The following RASAL2 variants were observed in gnomAD, a reference collection of about 807,000 sequenced individuals.
The protein encoded by RASAL2 is RAS protein activator like 2.
Under a neutral mutation model 128.9 loss-of-function variants are expected in RASAL2, and 58 were observed. That is an observed-to-expected ratio of 0.45 (90% CI 0.36 to 0.56). The LOEUF is 0.56. Ranked by LOEUF, RASAL2 falls within the 20% of genes least tolerant of loss-of-function variation. The pLI is 0.00. For missense variants in RASAL2, 1,360 were observed against 1,601.6 expected (o/e 0.85, Z 2.57); for synonymous variants, 561 against 580.8 (o/e 0.97, Z 0.49).
chr1:178,174,515 C>T (rs562765166), intron 1 of RASAL2, among the ~76,000 whole-genome samples: 2 of 152,120 alleles, frequency 1.3e-5, no homozygotes, highest in East Asian at 3.9e-4. Flanking sequence ...AAGCAAGAAT[C>T]CTGTGGAAGA....
chr1:178,383,836 ATGT>A (rs1672409026), intron 3 of RASAL2, among the ~76,000 whole-genome samples: 1 of 152,210 alleles, frequency 6.6e-6, no homozygotes. Context: ...ATCCTATTTA[ATGT>A]TGTCATTATT....
chr1:178,295,865 T>G (rs1041733884), intron 2 of RASAL2, among the ~76,000 whole-genome samples: 13 of 152,196 alleles, frequency 8.5e-5, no homozygotes, highest in African/African-American at 3.1e-4. Flanking sequence ...TGAGCATCTT[T>G]TTAGCATTCT....
chr1:178,444,231 T>C (rs1676849280), intron 8 of RASAL2, among the ~76,000 whole-genome samples: 1 of 152,158 alleles, frequency 6.6e-6, no homozygotes, highest in African/African-American at 2.4e-5. Context: ...AATACTGATT[T>C]ACGTACATTT....
chr1:178,096,133 C>T (rs1375166939), intron 1 of RASAL2, among the ~76,000 whole-genome samples: 1 of 152,198 alleles, frequency 6.6e-6, no homozygotes, highest in Non-Finnish European at 1.5e-5. Context: ...TCCCACTTAG[C>T]TGGTCATTTA....
At chr1:178,225,615 C>T (rs1429781241) in intron 1 of RASAL2, among the ~76,000 whole-genome samples, 1 of 151,968 alleles carries the variant, frequency 6.6e-6, no homozygotes, top group Non-Finnish European at 1.5e-5. Context: ...CACAAGTAAT[C>T]ACTGTTATAA....
intron 13 of RASAL2, 87 bp from the exon 14 acceptor site, chr1:178,457,596 C>T (rs1558005880): frequency 7.3e-6 from 10 of 1,370,732 alleles, no homozygotes; most frequent in Middle Eastern, 1.9e-4. Context: ...TAAGAACCTT[C>T]GGAGGAGTTC....
chr1:178,467,304 T>C (rs745894977), intron 16 of RASAL2, 30 bp from the exon 17 acceptor site: 9 of 1,575,656 alleles, frequency 5.7e-6, no homozygotes, highest in Non-Finnish European at 7.9e-6. Context: ...TCTTTGAAGA[T>C]GTTGATATTT....
intron 3 of RASAL2, among the ~76,000 whole-genome samples, chr1:178,351,808 G>A (rs960235170): frequency 6.6e-6 from 1 of 151,600 alleles, no homozygotes; most frequent in African/African-American, 2.4e-5. Flanking sequence ...AAAAGAAAGC[G>A]GCTACAGGCC....
Position 178,445,714 on chromosome 1 carries a change from C to G in RASAL2, c.1627+52C>G, listed in dbSNP as rs1056356047. ...CTTTTATTTACTTTTCAGTTTTAAG[C>G]TATTTCACCCCCATGAGACGAATTG... is the stretch of plus-strand genomic sequence containing the variant. On this transcript the variant is annotated intron_variant, in intron 9 of 17. Transcript: ENST00000367649. The G allele has an allele frequency of 3.3e-6, 5 of 1,525,912 alleles. No homozygotes were observed. In the African/African-American group the frequency reaches 5.5e-5, roughly 17 times the overall value. 94.5% of individuals were successfully genotyped at this position (1,525,912 alleles called of 1,614,324 possible). A position where few individuals can be genotyped will look rare whatever the true frequency, so the allele number is the denominator to read the frequency against.
chr1:178,458,109 C>A lies in RASAL2; in HGVS notation c.2817C>A (p.Ala939=), dbSNP rs34534441. The change falls in exon 14 of 18, where the codon GCC becomes GCA. Residue 939 remains alanine, a synonymous_variant. Transcript: ENST00000367649. ...ACCCAATTCCAGCAATGCCAAAGGCCTCTATAGATTCCAGTTTGGAGAACC... is the reference window on the plus strand; with the variant it reads ...ACCCAATTCCAGCAATGCCAAAGGCATCTATAGATTCCAGTTTGGAGAACC... ...LNNPIPAMPK[A]SIDSSLENLS... is the part of the protein sequence containing the mutation. The A allele has an allele frequency of 6.2e-7, 1 of 1,614,198 alleles. No homozygotes were observed. Among genetic ancestry groups the A allele is most frequent in the African/African-American group, 1.3e-5 (1 of 75,052 alleles).
chr1:178,297,714 A>G (rs1667580801), intron 2 of RASAL2, among the ~76,000 whole-genome samples: 1 of 152,016 alleles, frequency 6.6e-6, no homozygotes, highest in Admixed American at 6.6e-5. Context: ...TTTAAAAGTG[A>G]AACTTTGAAT....
intron 1 of RASAL2, among the ~76,000 whole-genome samples, chr1:178,205,826 C>T (rs1389865240): frequency 6.6e-6 from 1 of 152,156 alleles, no homozygotes; most frequent in Non-Finnish European, 1.5e-5. Context: ...TATACGTCCT[C>T]ACCAACCACT....
chr1:178,135,297 C>G (rs2102315473), intron 1 of RASAL2, among the ~76,000 whole-genome samples: 1 of 152,194 alleles, frequency 6.6e-6, no homozygotes, highest in East Asian at 1.9e-4. Flanking sequence ...CTACAGGTGT[C>G]TTGACCTTGA....
chr1:178,253,527 G>T (rs1409578180), intron 1 of RASAL2, among the ~76,000 whole-genome samples: 4 of 152,198 alleles, frequency 2.6e-5, no homozygotes, highest in Non-Finnish European at 4.4e-5. Context: ...AACAGGCTTT[G>T]TGTGAACAAT....
intron 3 of RASAL2, among the ~76,000 whole-genome samples, chr1:178,377,418 G>C (rs1480468952): frequency 6.6e-6 from 1 of 151,948 alleles, no homozygotes; most frequent in African/African-American, 2.4e-5. Context: ...AGAGGAAAAA[G>C]AAAACAAAAC....
At chr1:178,181,588 A>G (rs1424497337) in intron 1 of RASAL2, among the ~76,000 whole-genome samples, 1 of 152,124 alleles carries the variant, frequency 6.6e-6, no homozygotes, top group East Asian at 1.9e-4. Context: ...TTTACCTAAC[A>G]TTCTTTTTCT....
chr1:178,452,952 G>C (rs1403185549), intron 11 of RASAL2, among the ~76,000 whole-genome samples: 2 of 151,834 alleles, frequency 1.3e-5, no homozygotes, highest in Non-Finnish European at 2.9e-5. Flanking sequence ...ATACTTTAGT[G>C]GGAAAAAAAG....
At chr1:178,445,996 T>C (rs1676973545) in intron 9 of RASAL2, among the ~76,000 whole-genome samples, 1 of 152,186 alleles carries the variant, frequency 6.6e-6, no homozygotes, top group African/African-American at 2.4e-5. Flanking sequence ...GATGATATTA[T>C]TACCTAGTCT....
chr1:178,470,392 C>T (rs192070919), intron 17 of RASAL2, among the ~76,000 whole-genome samples: 2 of 152,322 alleles, frequency 1.3e-5, no homozygotes, highest in Non-Finnish European at 2.9e-5. Flanking sequence ...CTGCATCAGC[C>T]ACTTTCTAAC....
Sources: allele counts gnomAD v4.1 joint callset (sites outside exome capture counted in the v4.1 genomes callset), GRCh38; gene constraint gnomAD v4.1.1; transcripts MANE v1.5; gene names NCBI Gene and HGNC (gene_info 2026-07-23, HGNC 2026-07-21).